The following LRRC4C variants were observed in gnomAD, a reference collection of about 807,000 sequenced individuals.
LRRC4C encodes the protein leucine-rich repeat-containing protein 4C.
A neutral mutation model predicts 33.6 loss-of-function variants in LRRC4C; 5 were observed. That is an observed-to-expected ratio of 0.15 (90% CI 0.08 to 0.31). The LOEUF is 0.31. LRRC4C is among the 10% of genes least tolerant of loss of function. The pLI is 1.00. For synonymous variants in LRRC4C, 329 were observed against 302.0 expected, an observed-to-expected ratio of 1.09 and a Z score of -0.93; for missense variants, 560 against 796.7, an observed-to-expected ratio of 0.70 and a Z score of 3.58.
intron 1 of LRRC4C, among the ~76,000 whole-genome samples, chr11:41,333,717 G>A (rs1951365572): frequency 6.6e-6 from 1 of 152,126 alleles, no homozygotes; most frequent in South Asian, 2.1e-4. Context: ...TTCTCAGCAT[G>A]GGTAGTAAAA....
intron 1 of LRRC4C, among the ~76,000 whole-genome samples, chr11:41,335,146 A>C (rs1951412085): frequency 6.6e-6 from 1 of 152,174 alleles, no homozygotes; most frequent in Non-Finnish European, 1.5e-5. Flanking sequence ...TTTTTGCCCC[A>C]TCACTTATTG....
chr11:40,304,714 A>C (rs929894599), intron 4 of LRRC4C, among the ~76,000 whole-genome samples: 2 of 151,746 alleles, frequency 1.3e-5, no homozygotes, highest in African/African-American at 2.4e-5. Flanking sequence ...TCAAATTCTC[A>C]ACTTCTTTTA....
chr11:40,442,144 CAG>C (rs2137975444), intron 3 of LRRC4C, among the ~76,000 whole-genome samples: 1 of 108,552 alleles, frequency 9.2e-6, no homozygotes, highest in Non-Finnish European at 1.7e-5. Context: ...GCCTGGGTGA[CAG>C]AGCCAGACTC....
intron 2 of LRRC4C, among the ~76,000 whole-genome samples, chr11:40,811,607 C>T (rs569131111): frequency 6.6e-6 from 1 of 152,146 alleles, no homozygotes; most frequent in Non-Finnish European, 1.5e-5. Context: ...AAGCAATTCT[C>T]CTGCCTCAGC....
At chr11:41,269,850 G>A (rs1949267697) in intron 1 of LRRC4C, among the ~76,000 whole-genome samples, 1 of 152,078 alleles carries the variant, frequency 6.6e-6, no homozygotes, top group East Asian at 1.9e-4. Context: ...TCCATCAAAG[G>A]AGGACTGTGG....
intron 3 of LRRC4C, among the ~76,000 whole-genome samples, chr11:40,612,034 CTGAG>C (rs1343256814): frequency 6.6e-6 from 1 of 151,688 alleles, no homozygotes; most frequent in Non-Finnish European, 1.5e-5. Flanking sequence ...AATCCCATTT[CTGAG>C]TATTTCTAAA....
At position 40,783,869 on chromosome 11, in the gene LRRC4C, G is replaced by A. The variant is rs568755131; in HGVS notation, c.-406-135591C>T. Among the ~76,000 whole-genome samples, 29 of 152,190 alleles carry A rather than the reference G, an allele frequency of 1.9e-4. 1 individual carries two copies. The South Asian group carries it at 2.3e-3, about 12-fold the overall frequency. ...AGCTGTAAAGGTAATTCTGCAAGAT[G>A]AGCCCAGAATTATTTTGTAAAATGT... On this transcript the variant is annotated intron_variant, in intron 2 of 6. Coordinates refer to ENST00000528697, the MANE Select transcript of LRRC4C (RefSeq NM_001258419.2).
chr11:40,226,040 CTTATA>C (rs1175203821), intron 5 of LRRC4C, among the ~76,000 whole-genome samples: 2 of 151,570 alleles, frequency 1.3e-5, no homozygotes, highest in Non-Finnish European at 2.9e-5. Context: ...CCTGAATTAT[CTTATA>C]TAATTCTCCC....
chr11:40,807,097 C>T (rs1253622933), intron 2 of LRRC4C, among the ~76,000 whole-genome samples: 1 of 152,106 alleles, frequency 6.6e-6, no homozygotes, highest in African/African-American at 2.4e-5. Flanking sequence ...TGGTTGTTTT[C>T]AAAATATACA....
At chr11:40,592,462 C>G (rs1428974402) in intron 3 of LRRC4C, among the ~76,000 whole-genome samples, 1 of 152,168 alleles carries the variant, frequency 6.6e-6, no homozygotes, top group African/African-American at 2.4e-5. Context: ...ATTAATCCTA[C>G]TAGTCTGGGA....
chr11:40,948,827 T>C (rs1318797470), intron 1 of LRRC4C, among the ~76,000 whole-genome samples: 2 of 151,842 alleles, frequency 1.3e-5, no homozygotes, highest in Non-Finnish European at 2.9e-5. Context: ...ACAATAAACA[T>C]ACGTGTGCAT....
intron 1 of LRRC4C, among the ~76,000 whole-genome samples, chr11:41,360,699 A>G (rs1294244664): frequency 2.6e-5 from 4 of 152,214 alleles, no homozygotes; most frequent in Non-Finnish European, 5.9e-5. Context: ...CTAATTGGAA[A>G]AAGCAAAAGG....
At position 40,585,977 on chromosome 11, in the gene LRRC4C, G is replaced by A. The variant is rs1958717975; in HGVS notation, c.-270+62165C>T. Among the ~76,000 whole-genome samples, 2 of 136,328 alleles carry A rather than the reference G, an allele frequency of 1.5e-5. 1 individual carries two copies. The highest frequency in any genetic ancestry group is 5.6e-5 in the African/African-American group (2 of 35,814). 89.4% of individuals were successfully genotyped at this position (136,328 alleles called of 152,430 possible). A position where few individuals can be genotyped will look rare whatever the true frequency, so the allele number is the denominator to read the frequency against. On this transcript the variant is annotated intron_variant, in intron 3 of 6. Transcript: ENST00000528697. ...TAGCAGCATGATTTATAGTCCTTTG[G>A]GTATATACCCAGTAATGGGATGGCT...
chr11:40,542,052 C>CTCTCTCTTTCTTTCTT (rs1555096424), intron 3 of LRRC4C, among the ~76,000 whole-genome samples: 3 of 149,260 alleles, frequency 2.0e-5, no homozygotes, highest in East Asian at 4.0e-4. Flanking sequence ...TTCTCTTTCT[C>CTCTCTCTTTCTTTCTT]TCTTTCTTTC....
chr11:40,814,020 G>C, intron 2 of LRRC4C, among the ~76,000 whole-genome samples: 1 of 152,154 alleles, frequency 6.6e-6, no homozygotes, highest in Non-Finnish European at 1.5e-5. Flanking sequence ...CATTGAGTCA[G>C]CGTCTTTTCC....
chr11:40,675,961 G>A (rs72894690), intron 2 of LRRC4C, among the ~76,000 whole-genome samples: 19,848 of 152,130 alleles, frequency 0.13, 1,719 homozygotes, highest in Non-Finnish European at 0.19. Flanking sequence ...ATGGTCTTAG[G>A]TGTTGCTAAG....
intron 1 of LRRC4C, among the ~76,000 whole-genome samples, chr11:41,304,979 C>G (rs1229614043): frequency 1.8e-5 from 2 of 113,174 alleles, no homozygotes; most frequent in African/African-American, 6.5e-5. Context: ...GCGCCTCTGC[C>G]CGGCCGCCCC....
chr11:40,929,346 C>T (rs1379516857), intron 2 of LRRC4C, among the ~76,000 whole-genome samples: 1 of 152,116 alleles, frequency 6.6e-6, no homozygotes, highest in Non-Finnish European at 1.5e-5. Flanking sequence ...CACCACTATG[C>T]AATATATTCA....
At chr11:40,594,237 C>G (rs567270944) in intron 3 of LRRC4C, among the ~76,000 whole-genome samples, 2 of 152,302 alleles carry the variant, frequency 1.3e-5, no homozygotes, top group South Asian at 4.1e-4. Context: ...TGTTTGTTGA[C>G]CCCTTGCAGT....
Sources: gnomAD v4.1 joint callset for allele counts (sites outside exome capture counted in the v4.1 genomes callset) on GRCh38, gnomAD v4.1.1 for gene constraint, MANE v1.5 for transcripts, NCBI Gene and HGNC (gene_info 2026-07-23, HGNC 2026-07-21) for gene names.